Variants in TMEM135 observed in about 807,000 individuals in gnomAD.
TMEM135 encodes the protein peroxisomal membrane protein 52.
A neutral mutation model predicts 60.3 loss-of-function variants in TMEM135; 30 were observed. The ratio of observed to expected loss-of-function variants is 0.50; its 90% CI spans 0.37 to 0.68. The LOEUF is 0.68. Among genes scored for constraint, TMEM135 ranks in the 30% least tolerant of loss-of-function variants. The pLI is 0.00. For missense variants in TMEM135, 468 were observed against 548.8 expected (o/e 0.85, Z 1.47); for synonymous variants, 190 against 186.7 (o/e 1.02, Z -0.14).
At chr11:87,181,326 C>G (rs960497525) in intron 5 of TMEM135, among the ~76,000 whole-genome samples, 1 of 152,048 alleles carries the variant, frequency 6.6e-6, no homozygotes, top group Non-Finnish European at 1.5e-5. Context: ...GTGTAGAGAT[C>G]TATGGGATGA....
chr11:87,271,450 G>C (rs1297552848), intron 6 of TMEM135, among the ~76,000 whole-genome samples: 1 of 152,198 alleles, frequency 6.6e-6, no homozygotes, highest in Non-Finnish European at 1.5e-5. Flanking sequence ...CAATATGGTA[G>C]CCACTAGCAC....
chr11:87,281,547 G>T (rs1443177447), intron 6 of TMEM135, among the ~76,000 whole-genome samples: 3 of 152,142 alleles, frequency 2.0e-5, no homozygotes, highest in African/African-American at 4.8e-5. Flanking sequence ...TGAAGAAAAA[G>T]AAATTGTGCT....
Position 87,219,269 on chromosome 11 carries a change from G to A in TMEM135, c.463-17369G>A, listed in dbSNP as rs1354692541. 4.6e-5 allele frequency among the ~76,000 whole-genome samples: 7 copies of A among 152,230 alleles called. No individual in the cohort carries two copies. The South Asian group carries it at 1.2e-3, about 27-fold the overall frequency. ...GTATTATTAATCTACCAAGGCTACCGTAACAAAATACTACAGACTAGATGG... is the reference window on the plus strand; with the variant it reads ...GTATTATTAATCTACCAAGGCTACCATAACAAAATACTACAGACTAGATGG... On this transcript the variant is annotated intron_variant, in intron 5 of 14. Transcript: ENST00000305494.
chr11:87,043,650 G>A lies in TMEM135; in HGVS notation c.141+5464G>A, dbSNP rs184538446. 2.5e-3 allele frequency among the ~76,000 whole-genome samples: 382 copies of A among 152,132 alleles called. 1 individual carries two copies. The highest frequency in any genetic ancestry group is 3.7e-3 in the Non-Finnish European group (253 of 68,022). Reference sequence around the variant, plus strand: ...AAGCAGGAGAATCACTTGAACCTGGGAGGCGGAGGTTGTACTGAGCAGAGA... The same window carrying A: ...AAGCAGGAGAATCACTTGAACCTGGAAGGCGGAGGTTGTACTGAGCAGAGA... On this transcript the variant is annotated intron_variant, in intron 1 of 14. Coordinates refer to ENST00000305494, the MANE Select transcript of TMEM135 (RefSeq NM_022918.4).
chr11:87,115,148 ATTTG>A (rs1389753026), intron 4 of TMEM135, among the ~76,000 whole-genome samples: 1 of 151,402 alleles, frequency 6.6e-6, no homozygotes, highest in Non-Finnish European at 1.5e-5. Context: ...TATCAAAGAA[ATTTG>A]TTTAATTTTA....
At chr11:87,141,503 A>G (rs139911797) in intron 4 of TMEM135, among the ~76,000 whole-genome samples, 55 of 152,266 alleles carry the variant, frequency 3.6e-4, no homozygotes, top group African/African-American at 1.3e-3. Context: ...TTCTACCTGC[A>G]CAGTCATGTC....
intron 5 of TMEM135, among the ~76,000 whole-genome samples, chr11:87,192,067 C>T (rs576531509): frequency 2.1e-4 from 31 of 145,162 alleles, no homozygotes; most frequent in Non-Finnish European, 3.7e-4. Flanking sequence ...CTGCAACCTC[C>T]ACCTCCTGGG....
At position 87,195,383 on chromosome 11, in the gene TMEM135, TTCCTTCCTTC is replaced by T. The variant is rs1370095867; in HGVS notation, c.462+37980_462+37989del. Among the ~76,000 whole-genome samples, 562 of 82,900 alleles carry T rather than the reference TTCCTTCCTTC, an allele frequency of 6.8e-3. 4 individuals are homozygous for T. Among genetic ancestry groups the T allele is most frequent in the Non-Finnish European group, 0.01 (398 of 38,960 alleles). The allele number at this position is 82,900 out of a possible 152,430, so 54.4% of individuals were successfully genotyped here. ...CTTCCTTCCTTCCTTCCTTCCTTCC[TTCCTTCCTTC>T]TCTCTCTCTCTCTCTCTGTTTCTCT... On this transcript the variant is annotated intron_variant, in intron 5 of 14. Transcript: ENST00000305494.
intron 4 of TMEM135, among the ~76,000 whole-genome samples, chr11:87,102,929 C>T (rs1857496892): frequency 6.6e-6 from 1 of 152,022 alleles, no homozygotes; most frequent in Non-Finnish European, 1.5e-5. Flanking sequence ...AACTTATCAT[C>T]ACAACCCCCT....
At position 87,232,837 on chromosome 11, in the gene TMEM135, G is replaced by A. The variant is rs142967458; in HGVS notation, c.463-3801G>A. Among the ~76,000 whole-genome samples the A allele has an allele frequency of 2.0e-3, 304 of 152,082 alleles. 1 individual carries two copies. Among genetic ancestry groups the A allele is most frequent in the African/African-American group, 7.0e-3 (290 of 41,518 alleles). Reference sequence around the variant, plus strand: ...CAACACTAAAATAAACCAACAAAGGGAATAAAATGGAATTATTGAAAAATA... The same window carrying A: ...CAACACTAAAATAAACCAACAAAGGAAATAAAATGGAATTATTGAAAAATA... On this transcript the variant is annotated intron_variant, in intron 5 of 14. Coordinates refer to ENST00000305494, the MANE Select transcript of TMEM135 (RefSeq NM_022918.4).
chr11:87,151,431 T>C (rs1005791537), intron 4 of TMEM135, among the ~76,000 whole-genome samples: 1 of 152,100 alleles, frequency 6.6e-6, no homozygotes, highest in African/African-American at 2.4e-5. Flanking sequence ...TTTCAGAAAT[T>C]TCTTTTGATC....
At chr11:87,213,558 G>A (rs375061895) in intron 5 of TMEM135, among the ~76,000 whole-genome samples, 2 of 152,246 alleles carry the variant, frequency 1.3e-5, no homozygotes, top group African/African-American at 2.4e-5. Flanking sequence ...ATATTAATAG[G>A]TAGTTTAAGT....
At chr11:87,268,177 T>C (rs1390679931) in intron 6 of TMEM135, among the ~76,000 whole-genome samples, 1 of 149,462 alleles carries the variant, frequency 6.7e-6, no homozygotes, top group East Asian at 1.9e-4. Flanking sequence ...TCCTTTCTTT[T>C]CTTTTCTTTC....
intron 6 of TMEM135, among the ~76,000 whole-genome samples, chr11:87,251,187 A>G (rs533731429): frequency 1.2e-3 from 123 of 99,534 alleles, no homozygotes; most frequent in African/African-American, 4.0e-3. Context: ...TGGGTCAGGG[A>G]TAGAAATTTA....
At chr11:87,247,422 G>C (rs1463526319) in intron 6 of TMEM135, among the ~76,000 whole-genome samples, 2 of 152,174 alleles carry the variant, frequency 1.3e-5, no homozygotes, top group African/African-American at 4.8e-5. Context: ...ACAGGTTACT[G>C]CTGTCTTTTT....
At chr11:87,289,096 G>GA (rs1162038993) in intron 6 of TMEM135, among the ~76,000 whole-genome samples, 6 of 152,150 alleles carry the variant, frequency 3.9e-5, no homozygotes, top group Non-Finnish European at 7.4e-5. Context: ...ACATGCAATG[G>GA]AAAAAAATTC....
chr11:87,129,614 C>A (rs1437441483), intron 4 of TMEM135, among the ~76,000 whole-genome samples: 3 of 148,018 alleles, frequency 2.0e-5, no homozygotes, highest in African/African-American at 7.5e-5. Flanking sequence ...AATCTGGGCT[C>A]ACTGCAACCT....
At chr11:87,269,854 A>G (rs994204049) in intron 6 of TMEM135, among the ~76,000 whole-genome samples, 1 of 144,548 alleles carries the variant, frequency 6.9e-6, no homozygotes, top group Non-Finnish European at 1.5e-5. Flanking sequence ...CTTTGGGTAT[A>G]TACCCAGTAA....
At chr11:87,241,154 A>G (rs1167271733) in intron 6 of TMEM135, among the ~76,000 whole-genome samples, 3 of 152,078 alleles carry the variant, frequency 2.0e-5, no homozygotes, top group African/African-American at 7.2e-5. Context: ...AAACCAGACT[A>G]TTTATTGGCT....
Sources: gnomAD v4.1 joint callset for allele counts (sites outside exome capture counted in the v4.1 genomes callset) on GRCh38, gnomAD v4.1.1 for gene constraint, MANE v1.5 for transcripts, NCBI Gene and HGNC (gene_info 2026-07-23, HGNC 2026-07-21) for gene names.